ITSN1: variants seen among roughly 807,000 people sequenced by gnomAD.
ITSN1 encodes the protein intersectin-1.
Under a neutral mutation model 239.8 loss-of-function variants are expected in ITSN1, and 58 were observed. The observed-to-expected ratio is 0.24, with a 90% CI of 0.20 to 0.30. The LOEUF is 0.30. Ranked by LOEUF, ITSN1 falls within the 10% of genes least tolerant of loss-of-function variation. ITSN1 has a pLI of 1.00. For missense variants in ITSN1, 1,558 were observed against 2,103.3 expected, an observed-to-expected ratio of 0.74 and a Z score of 5.07; for synonymous variants, 780 against 770.8, an observed-to-expected ratio of 1.01 and a Z score of -0.20.
In ITSN1 at chr21:33,772,126, C is replaced by T; in HGVS notation, c.1108C>T (p.Gln370Ter). Residue 370 changes from glutamine to a stop codon, truncating the protein, a stop_gained, in exon 12 of 40, where the codon CAA becomes TAA. Transcript: ENST00000381318. LOFTEE classifies it high-confidence loss of function. ...CAACCTGGAACTGGAGAAACGAAGG[C>T]AAGCTCTCCTGGAACAGCAGCGCAA... The part of the protein sequence containing the change: ...RGNLELEKRR[Q>*]ALLEQQRKEQ... 1 of 1,614,190 alleles carries T rather than the reference C, an allele frequency of 6.2e-7. No individual in the cohort carries two copies. Among genetic ancestry groups the T allele is most frequent in the Non-Finnish European group, 8.5e-7 (1 of 1,180,028 alleles).
chr21:33,882,383 G>A lies in ITSN1; in HGVS notation c.4482G>A (p.Lys1494=), dbSNP rs765648374. 5.6e-6 allele frequency: 9 copies of A among 1,614,166 alleles called. No homozygotes were observed. In the East Asian group the frequency reaches 1.6e-4, roughly 28 times the overall value. ...NDFLLLTQIT[K]PLGSSGTDKV... ...TCCTCCTGCTGACTCAGATCACGAAGCCTTTGGGGTCTTCTGGCACCGACA... is the reference window on the plus strand; with the variant it reads ...TCCTCCTGCTGACTCAGATCACGAAACCTTTGGGGTCTTCTGGCACCGACA... The change falls in exon 35 of 40, where the codon AAG becomes AAA. Residue 1494 remains lysine (K), a synonymous_variant. Coordinates refer to ENST00000381318, the MANE Select transcript of ITSN1 (RefSeq NM_003024.3). The surrounding 1 kb of genome is among the most constrained non-coding windows in gnomAD (Gnocchi z 4.5).
intron 31 of ITSN1, among the ~76,000 whole-genome samples, chr21:33,861,644 T>C (rs1442204458): frequency 6.6e-6 from 1 of 152,012 alleles, no homozygotes; most frequent in Non-Finnish European, 1.5e-5. Context: ...TCAGGACAGC[T>C]GTCAGAAATG....
chr21:33,885,575 G>A (rs996479934), intron 38 of ITSN1, 53 bp downstream of exon 38: 12 of 1,393,324 alleles, frequency 8.6e-6, no homozygotes, highest in African/African-American at 7.1e-5. Flanking sequence ...AGTAGGGTCC[G>A]GGTTCCCCAC....
intron 19 of ITSN1, among the ~76,000 whole-genome samples, chr21:33,801,346 A>G (rs981286473): frequency 6.6e-6 from 1 of 152,264 alleles, no homozygotes; most frequent in Non-Finnish European, 1.5e-5. Context: ...TAAAATACCT[A>G]GAAATAACAA....
At chr21:33,794,318 A>G (rs1199854029) in intron 16 of ITSN1, 23 bp from the exon 17 acceptor site, 3 of 1,576,600 alleles carry the variant, frequency 1.9e-6, no homozygotes, top group East Asian at 4.5e-5. Flanking sequence ...TCGCTACATG[A>G]ACTGTTTCTC....
At chr21:33,717,729 T>G (rs8134301) in intron 1 of ITSN1, among the ~76,000 whole-genome samples, 93,215 of 151,580 alleles carry the variant, frequency 0.61, 29,300 homozygotes, top group African/African-American at 0.75. Context: ...CTAATTTTTT[T>G]TGTGTGTGTG....
intron 1 of ITSN1, among the ~76,000 whole-genome samples, chr21:33,674,412 A>G (rs1418472910): frequency 6.6e-6 from 1 of 152,254 alleles, no homozygotes; most frequent in Non-Finnish European, 1.5e-5. Flanking sequence ...GATCTGGGAC[A>G]GGATCCAACA....
chr21:33,882,211 G>T lies in ITSN1; in HGVS notation c.4342-32G>T. 1 of 1,594,684 alleles carries T rather than the reference G, an allele frequency of 6.3e-7. No individual in the cohort carries two copies. Among genetic ancestry groups the T allele is most frequent in the Non-Finnish European group, 8.6e-7 (1 of 1,165,078 alleles). On this transcript the variant is annotated intron_variant, in intron 34 of 39. Transcript: ENST00000381318. This position sits in a 1 kb window ranked among gnomAD's most constrained non-coding sequence, Gnocchi z 4.5. ...CTTTCAGATGCGGAGAAACAAAAAT[G>T]CTACACTTTGGGTTTTGTTTTCCTT...
At chr21:33,809,096 T>A (rs183427324) in intron 20 of ITSN1, among the ~76,000 whole-genome samples, 2 of 152,354 alleles carry the variant, frequency 1.3e-5, no homozygotes, top group East Asian at 3.9e-4. Context: ...AAAATTTATC[T>A]TAAATCCTCA....
At chr21:33,821,595 C>T (rs772068657) in intron 24 of ITSN1, among the ~76,000 whole-genome samples, 55 of 152,286 alleles carry the variant, frequency 3.6e-4, no homozygotes, top group Admixed American at 5.9e-4. Flanking sequence ...CATCATGTCT[C>T]TGGGTTTCAT....
chr21:33,874,449 AGG>A, intron 33 of ITSN1, among the ~76,000 whole-genome samples: 1 of 152,088 alleles, frequency 6.6e-6, no homozygotes, highest in Non-Finnish European at 1.5e-5. Flanking sequence ...CTGCCCTCCA[AGG>A]GCACCTGTTG....
intron 1 of ITSN1, among the ~76,000 whole-genome samples, chr21:33,671,440 C>T (rs887919413): frequency 7.9e-5 from 12 of 151,962 alleles, no homozygotes; most frequent in Non-Finnish European, 1.8e-4. Flanking sequence ...GCGCCGGCCA[C>T]CACGCCCGAC....
chr21:33,676,389 C>T (rs1268118494), intron 1 of ITSN1, among the ~76,000 whole-genome samples: 2 of 151,832 alleles, frequency 1.3e-5, no homozygotes, highest in Admixed American at 6.5e-5. Context: ...ACAACACTTT[C>T]TCTTTTTTAA....
rs777952910 is a variant in ITSN1, at chr21:33,764,580, T to A, written c.789-1295T>A. On this transcript the variant is annotated intron_variant, in intron 9 of 39. Coordinates refer to ENST00000381318, the MANE Select transcript of ITSN1 (RefSeq NM_003024.3). Reference sequence around the variant, plus strand: ...GAATTTTAGGTAGAGCTGACACTATTCTGTATGTTGTGGTTCATGTTTGTC... The same window carrying A: ...GAATTTTAGGTAGAGCTGACACTATACTGTATGTTGTGGTTCATGTTTGTC... Among the ~76,000 whole-genome samples the A allele has an allele frequency of 2.9e-4, 44 of 152,186 alleles. 1 individual carries two copies. Among genetic ancestry groups the A allele is most frequent in the Non-Finnish European group, 7.3e-5 (5 of 68,032 alleles).
At chr21:33,783,166 C>T (rs1004855318) in intron 16 of ITSN1, among the ~76,000 whole-genome samples, 10 of 151,996 alleles carry the variant, frequency 6.6e-5, no homozygotes, top group African/African-American at 2.4e-4. Flanking sequence ...CTTTTTTCCC[C>T]TCCAAATATT....
intron 33 of ITSN1, among the ~76,000 whole-genome samples, chr21:33,872,386 CAAT>C (rs1162134396): frequency 6.6e-6 from 1 of 151,882 alleles, no homozygotes; most frequent in African/African-American, 2.4e-5. Flanking sequence ...GGGTCTACCC[CAAT>C]AATGATATAT....
intron 4 of ITSN1, among the ~76,000 whole-genome samples, chr21:33,725,133 G>GTTTTTTTTTTTTTTTTTTTT (rs1171718411): frequency 1.1e-5 from 1 of 91,154 alleles, no homozygotes; most frequent in Non-Finnish European, 2.0e-5. Context: ...TTTTTTTTTT[G>GTTTTTTTTTTTTTTTTTTTT]TTTTTTTTTT....
chr21:33,750,268 CT>C lies in ITSN1; in HGVS notation c.473del (p.Leu158ArgfsTer37). The C allele has an allele frequency of 6.2e-7, 1 of 1,614,066 alleles. No homozygotes were observed. The highest frequency in any genetic ancestry group is 8.5e-7 in the Non-Finnish European group (1 of 1,180,018). On this transcript the variant is annotated frameshift_variant, in exon 6 of 40. Transcript: ENST00000381318. LOFTEE classifies it high-confidence loss of function. ...TGTTCCCACAGCAGCTGTGCCCCCC[CT>C]GGCTAACGGGGCTCCCCCTGTTATA... is the stretch of plus-strand genomic sequence containing the variant. The part of the protein sequence containing the change: ...SSVPTAAVPP[L>X]ANGAPPVIQP...
At chr21:33,735,371 A>G in intron 5 of ITSN1, 167 bp downstream of exon 5, 1 of 751,512 alleles carries the variant, frequency 1.3e-6, no homozygotes, top group Non-Finnish European at 2.4e-6. Context: ...AAGAAGGAGC[A>G]TGTTCACATT....
Sources: allele counts gnomAD v4.1 joint callset (sites outside exome capture counted in the v4.1 genomes callset), GRCh38; gene constraint gnomAD v4.1.1; non-coding constraint Gnocchi (gnomAD v3.1); transcripts MANE v1.5; gene names NCBI Gene and HGNC (gene_info 2026-07-23, HGNC 2026-07-21).